The following OR2A12 variants were observed in gnomAD, a reference collection of about 807,000 sequenced individuals.
The protein encoded by OR2A12 is olfactory receptor 2A12.
For synonymous variants in OR2A12, 153 were observed against 149.3 expected, an observed-to-expected ratio of 1.02 and a Z score of -0.18; for missense variants, 380 against 372.5, an observed-to-expected ratio of 1.02 and a Z score of -0.17.
rs1022220652 is a variant in OR2A12, at chr7:144,097,231, T to C, written c.*1191T>C. 25 of 152,004 alleles carry C rather than the reference T, an allele frequency of 1.6e-4. No individual in the cohort carries two copies. Among genetic ancestry groups the C allele is most frequent in the Non-Finnish European group, 2.8e-4 (19 of 68,012 alleles). The allele number at this position is 152,004 out of a possible 1,614,324, so 9.4% of individuals were successfully genotyped here. A position where few individuals can be genotyped will look rare whatever the true frequency, so the allele number is the denominator to read the frequency against. ...TTAAAGCAGTAACAAACAATTAAAATGAAACTTGAAAAAACGCTACCATAC... is the reference window on the plus strand; with the variant it reads ...TTAAAGCAGTAACAAACAATTAAAACGAAACTTGAAAAAACGCTACCATAC... On this transcript the variant is annotated 3_prime_UTR_variant, in exon 2 of 2. Transcript: ENST00000641592.
rs1361899600 is a variant in OR2A12, at chr7:144,098,863, A to G, written c.*2823A>G. 6.6e-6 allele frequency: 1 copy of G among 152,162 alleles called. No homozygotes were observed. Among genetic ancestry groups the G allele is most frequent in the Non-Finnish European group, 1.5e-5 (1 of 68,032 alleles). 9.4% of individuals were successfully genotyped at this position (152,162 alleles called of 1,614,324 possible). ...CCTTCTACCACCAGGAAGGAAAGTT[A>G]TCAGGATCATTGAAGGAGGACTTTC... On this transcript the variant is annotated 3_prime_UTR_variant, in exon 2 of 2. Transcript: ENST00000641592.
Position 144,096,276 on chromosome 7 carries a change from G to A in OR2A12, c.*236G>A, listed in dbSNP as rs577720187. The A allele has an allele frequency of 1.0e-4, 34 of 327,038 alleles. No homozygotes were observed. Among genetic ancestry groups the A allele is most frequent in the South Asian group, 1.6e-4 (3 of 18,960 alleles). 20.3% of individuals were successfully genotyped at this position (327,038 alleles called of 1,614,324 possible). A position where few individuals can be genotyped will look rare whatever the true frequency, so the allele number is the denominator to read the frequency against. On this transcript the variant is annotated 3_prime_UTR_variant, in exon 2 of 2. Coordinates refer to ENST00000641592, the MANE Select transcript of OR2A12 (RefSeq NM_001004135.2). ...TCGAGACCAGCCTAACCAACATGGC[G>A]AAACACTGTCTCTATTAAAAATACA... is the stretch of plus-strand genomic sequence containing the variant.
At chr7:144,089,140 T>C (rs1308389439) in intron 1 of OR2A12, among the ~76,000 whole-genome samples, 2 of 152,240 alleles carry the variant, frequency 1.3e-5, no homozygotes, top group African/African-American at 2.4e-5. Flanking sequence ...TCTTGCAGTC[T>C]TTTCATAGGG....
In OR2A12 at chr7:144,096,077, T is replaced by C; in HGVS notation, c.*37T>C. Reference sequence around the variant, plus strand: ...AGATATCCTGAGTGTGTAAGCATGGTTCTCATGACCCTGGGTCCTGAAATT... The same window carrying C: ...AGATATCCTGAGTGTGTAAGCATGGCTCTCATGACCCTGGGTCCTGAAATT... On this transcript the variant is annotated 3_prime_UTR_variant, in exon 2 of 2. Transcript: ENST00000641592. 3.5e-6 allele frequency: 5 copies of C among 1,438,802 alleles called. No individual in the cohort carries two copies. The highest frequency in any genetic ancestry group is 4.7e-6 in the Non-Finnish European group (5 of 1,055,002). 89.1% of individuals were successfully genotyped at this position (1,438,802 alleles called of 1,614,324 possible).
At chr7:144,095,028 A>G (rs2051251223) in intron 1 of OR2A12, 29 bp from the exon 2 acceptor site, 1 of 951,902 alleles carries the variant, frequency 1.1e-6, no homozygotes, top group Admixed American at 2.5e-5. Context: ...ATGCTCTATA[A>G]TGAAATGTTT....
chr7:144,090,973 G>A (rs963021627), intron 1 of OR2A12, among the ~76,000 whole-genome samples: 8 of 152,084 alleles, frequency 5.3e-5, no homozygotes, highest in South Asian at 2.1e-4. Flanking sequence ...TTACTATTAC[G>A]AATAGTGCTG....
Position 144,095,297 on chromosome 7 carries a change from C to T in OR2A12, c.190C>T (p.His64Tyr). 2 of 1,614,000 alleles carry T rather than the reference C, an allele frequency of 1.2e-6. No homozygotes were observed. Among genetic ancestry groups the T allele is most frequent in the Non-Finnish European group, 1.7e-6 (2 of 1,179,888 alleles). ...LHTPMYVFLS[H>Y]LAIVDMSYAS... ...CACACCCATGTATGTCTTCCTGTCA[C>T]ACCTGGCCATTGTGGACATGTCCTA... The change falls in exon 2 of 2, where the codon CAC becomes TAC. Residue 64 changes from histidine to tyrosine, a missense_variant. Coordinates refer to ENST00000641592, the MANE Select transcript of OR2A12 (RefSeq NM_001004135.2).
At chr7:144,094,135 GT>G (rs2051245611) in intron 1 of OR2A12, among the ~76,000 whole-genome samples, 1 of 151,438 alleles carries the variant, frequency 6.6e-6, no homozygotes, top group South Asian at 2.1e-4. Context: ...AGAAGTTTTT[GT>G]TTTTATTGTT....
rs778260411 is a variant in OR2A12, at chr7:144,095,996, A to G, written c.889A>G (p.Lys297Glu). 1 of 1,611,650 alleles carries G rather than the reference A, an allele frequency of 6.2e-7. No individual in the cohort carries two copies. Among genetic ancestry groups the G allele is most frequent in the East Asian group, 2.2e-5 (1 of 44,888 alleles). Reference protein sequence around the residue: ...LIYSLRNAEVKGALKRVLWKQ... With the variant: ...LIYSLRNAEVEGALKRVLWKQ... ...CTACAGCCTTAGGAATGCAGAGGTG[A>G]AAGGGGCTCTAAAGAGAGTCCTTTG... Residue 297 changes from lysine (K) to glutamate (E), a missense_variant, in exon 2 of 2, where the codon AAA (lysine) becomes GAA (glutamate). Lys to Glu is a moderately conservative substitution (Grantham distance 56). Transcript: ENST00000641592.
At chr7:144,091,669 G>A (rs1277957638) in intron 1 of OR2A12, among the ~76,000 whole-genome samples, 1 of 151,870 alleles carries the variant, frequency 6.6e-6, no homozygotes, top group African/African-American at 2.4e-5. Context: ...CTTTTGAAGT[G>A]TCTGTTCATA....
intron 1 of OR2A12, among the ~76,000 whole-genome samples, chr7:144,087,702 T>C (rs1297369496): frequency 6.6e-6 from 1 of 152,164 alleles, no homozygotes; most frequent in African/African-American, 2.4e-5. Flanking sequence ...AATTTAAAAA[T>C]GGAAAAGGAA....
chr7:144,087,551 C>A lies in OR2A12; in HGVS notation c.-52+1008C>A, dbSNP rs193152938. 3.2e-3 allele frequency among the ~76,000 whole-genome samples: 480 copies of A among 152,300 alleles called. 2 individuals carry two copies. Among genetic ancestry groups the A allele is most frequent in the Middle Eastern group, 0.014 (4 of 294 alleles). On this transcript the variant is annotated intron_variant, in intron 1 of 1. Transcript: ENST00000641592. ...AATAACTTCTCTGATTCACATGTAT[C>A]TGGCAACACATTAAGTGAAAATTTT... is the stretch of plus-strand genomic sequence containing the variant.
At chr7:144,090,467 A>T (rs576016380) in intron 1 of OR2A12, among the ~76,000 whole-genome samples, 2 of 152,108 alleles carry the variant, frequency 1.3e-5, no homozygotes, top group African/African-American at 4.8e-5. Flanking sequence ...AAAAATTAAG[A>T]TGAGATAAAT....
chr7:144,091,047 C>T (rs1379455652), intron 1 of OR2A12, among the ~76,000 whole-genome samples: 1 of 152,058 alleles, frequency 6.6e-6, no homozygotes, highest in East Asian at 1.9e-4. Flanking sequence ...GGGTGTATAC[C>T]CAGCAATGGG....
chr7:144,091,419 A>G (rs1194457069), intron 1 of OR2A12, among the ~76,000 whole-genome samples: 1 of 152,180 alleles, frequency 6.6e-6, no homozygotes, highest in Non-Finnish European at 1.5e-5. Context: ...AGAAAGAAAA[A>G]GAAAAGAAAT....
At position 144,097,635 on chromosome 7, in the gene OR2A12, T is replaced by A. The variant is rs1198350948; in HGVS notation, c.*1595T>A. 2 of 152,134 alleles carry A rather than the reference T, an allele frequency of 1.3e-5. No individual in the cohort carries two copies. The highest frequency in any genetic ancestry group is 4.8e-5 in the African/African-American group (2 of 41,436). 9.4% of individuals were successfully genotyped at this position (152,134 alleles called of 1,614,324 possible). A position where few individuals can be genotyped will look rare whatever the true frequency, so the allele number is the denominator to read the frequency against. On this transcript the variant is annotated 3_prime_UTR_variant, in exon 2 of 2. Coordinates refer to ENST00000641592, the MANE Select transcript of OR2A12 (RefSeq NM_001004135.2). ...TATAGTGCTAATAAACAGAACAGTGTGGTATTTATACACAGATAGACCAAA... is the reference window on the plus strand; with the variant it reads ...TATAGTGCTAATAAACAGAACAGTGAGGTATTTATACACAGATAGACCAAA...
chr7:144,090,983 G>A (rs1184559167), intron 1 of OR2A12, among the ~76,000 whole-genome samples: 1 of 152,174 alleles, frequency 6.6e-6, no homozygotes, highest in Non-Finnish European at 1.5e-5. Context: ...GAATAGTGCT[G>A]CAGTAAATGT....
Position 144,095,153 on chromosome 7 carries a change from TTCCA to T in OR2A12, c.47_50del (p.Phe16TrpfsTer20). 6.2e-7 allele frequency: 1 copy of T among 1,613,470 alleles called. No homozygotes were observed. Among genetic ancestry groups the T allele is most frequent in the Non-Finnish European group, 8.5e-7 (1 of 1,179,674 alleles). ...GATCACAGAAGTCATCCTGTTGGGATTCCAGGTGGACCCAGCTCTGGAGTTGTTC... is the reference window on the plus strand; with the variant it reads ...GATCACAGAAGTCATCCTGTTGGGATGGTGGACCCAGCTCTGGAGTTGTTC... On this transcript the variant is annotated frameshift_variant, in exon 2 of 2. Coordinates refer to ENST00000641592, the MANE Select transcript of OR2A12 (RefSeq NM_001004135.2). LOFTEE classifies it low-confidence loss of function (END_TRUNC).
At chr7:144,087,382 T>A (rs956103811) in intron 1 of OR2A12, among the ~76,000 whole-genome samples, 1 of 152,218 alleles carries the variant, frequency 6.6e-6, no homozygotes, top group Non-Finnish European at 1.5e-5. Context: ...TTTTCCTGAT[T>A]TGTGTACCAA....
Sources: allele counts gnomAD v4.1 joint callset (sites outside exome capture counted in the v4.1 genomes callset), GRCh38; gene constraint gnomAD v4.1.1; transcripts MANE v1.5; gene names NCBI Gene and HGNC (gene_info 2026-07-23, HGNC 2026-07-21).